The following ADAM17 variants were observed in gnomAD, a reference collection of about 807,000 sequenced individuals.
The protein encoded by ADAM17 is disintegrin and metalloproteinase domain-containing protein 17.
Under a neutral mutation model 96.7 loss-of-function variants are expected in ADAM17, and 39 were observed. That is an observed-to-expected ratio of 0.40 (90% CI 0.31 to 0.53). The LOEUF (loss-of-function observed/expected upper bound fraction) is 0.53, where lower values mean the gene tolerates loss of function less well. ADAM17 is among the 20% of genes least tolerant of loss of function. ADAM17 has a pLI of 0.44. For missense variants in ADAM17, 777 were observed against 1,013.2 expected, an observed-to-expected ratio of 0.77 and a Z score of 3.17; for synonymous variants, 344 against 359.2, an observed-to-expected ratio of 0.96 and a Z score of 0.48.
chr2:9,497,220 T>G lies in ADAM17; in HGVS notation c.1677A>C (p.Gly559=), dbSNP rs1337952599. The G allele has an allele frequency of 6.2e-7, 1 of 1,614,234 alleles. No homozygotes were observed. The highest frequency in any genetic ancestry group is 1.7e-5 in the Admixed American group (1 of 60,018). ...TGNSSECPPP[G]NAEDDTVCLD... is the part of the protein sequence containing the mutation. Reference sequence around the variant, plus strand: ...AGCAAACAGTGTCATCTTCAGCATTTCCTGGAGGCGGGCACTCACTGCTAT... The same window carrying G: ...AGCAAACAGTGTCATCTTCAGCATTGCCTGGAGGCGGGCACTCACTGCTAT... Residue 559 remains glycine, a synonymous_variant, in exon 14 of 19, where the codon GGA becomes GGC. Transcript: ENST00000310823.
In ADAM17 at chr2:9,489,110, T is replaced by C. The variant is rs1035559627; in HGVS notation, c.*1067A>G. 6.6e-6 allele frequency: 1 copy of C among 152,130 alleles called. No individual in the cohort carries two copies. The highest frequency in any genetic ancestry group is 1.5e-5 in the Non-Finnish European group (1 of 68,040). The allele number at this position is 152,130 out of a possible 1,614,324, so 9.4% of individuals were successfully genotyped here. Reference sequence around the variant, plus strand: ...AGCCCCCAACCCTAAGGGCAGGTAGTATTCTATCTCCTGGCTGGCTCATCA... The same window carrying C: ...AGCCCCCAACCCTAAGGGCAGGTAGCATTCTATCTCCTGGCTGGCTCATCA... On this transcript the variant is annotated 3_prime_UTR_variant, in exon 19 of 19. Transcript: ENST00000310823.
intron 7 of ADAM17, 135 bp downstream of exon 7, chr2:9,523,114 C>T: frequency 1.6e-6 from 1 of 626,216 alleles, no homozygotes; most frequent in Non-Finnish European, 2.7e-6. Context: ...CACAATTCAT[C>T]ATAAAAAATC....
At chr2:9,523,437 G>A in intron 6 of ADAM17, 99 bp from the exon 7 acceptor site, 3 of 1,070,986 alleles carry the variant, frequency 2.8e-6, no homozygotes, top group Non-Finnish European at 4.1e-6. Context: ...TCTCAGTTTA[G>A]AGGCCATTGC....
chr2:9,499,307 A>G (rs1662853567), intron 13 of ADAM17, among the ~76,000 whole-genome samples: 1 of 152,102 alleles, frequency 6.6e-6, no homozygotes, highest in Non-Finnish European at 1.5e-5. Flanking sequence ...ATTTTTCTCA[A>G]TCTATTTTAT....
At chr2:9,525,742 A>G (rs1239240497) in intron 6 of ADAM17, among the ~76,000 whole-genome samples, 1 of 152,158 alleles carries the variant, frequency 6.6e-6, no homozygotes, top group Admixed American at 6.5e-5. Context: ...TAAGCAAAAG[A>G]AAAACATGGG....
intron 1 of ADAM17, among the ~76,000 whole-genome samples, chr2:9,552,343 C>T (rs138809641): frequency 2.7e-4 from 41 of 152,292 alleles, no homozygotes; most frequent in African/African-American, 9.1e-4. Context: ...AATTCCTCTC[C>T]ATTCTACTCT....
chr2:9,535,683 C>T (rs1002245454), intron 4 of ADAM17, 151 bp downstream of exon 4: 1 of 464,830 alleles, frequency 2.2e-6, no homozygotes, highest in Non-Finnish European at 3.7e-6. Context: ...TAGAGATTAT[C>T]CTTTTTTAAA....
intron 2 of ADAM17, among the ~76,000 whole-genome samples, chr2:9,537,049 A>G (rs889997096): frequency 2.6e-5 from 4 of 152,202 alleles, no homozygotes; most frequent in Non-Finnish European, 4.4e-5. Context: ...ATAAACTCAC[A>G]CTAGGGTAAA....
chr2:9,499,103 CT>C (rs1219981357), intron 13 of ADAM17, among the ~76,000 whole-genome samples: 2 of 97,812 alleles, frequency 2.0e-5, no homozygotes, highest in Non-Finnish European at 4.1e-5. Flanking sequence ...TGCTTTTTTT[CT>C]TTCTTCTTCT....
At chr2:9,502,879 CA>C (rs758081961) in intron 12 of ADAM17, among the ~76,000 whole-genome samples, 5,809 of 43,424 alleles carry the variant, frequency 0.13, 84 homozygotes, top group African/African-American at 0.19. Context: ...AATTCTGTCT[CA>C]AAAAAAAAAA....
intron 3 of ADAM17, among the ~76,000 whole-genome samples, 157 bp from the exon 4 acceptor site, chr2:9,536,079 TA>T (rs1558521595): frequency 6.6e-6 from 1 of 152,188 alleles, no homozygotes; most frequent in Non-Finnish European, 1.5e-5. Context: ...AGAAGCTAGA[TA>T]ATCTCAACTC....
At chr2:9,501,299 T>C (rs1662989679) in intron 13 of ADAM17, among the ~76,000 whole-genome samples, 2 of 152,080 alleles carry the variant, frequency 1.3e-5, no homozygotes, top group Non-Finnish European at 2.9e-5. Flanking sequence ...ATCATGCTAA[T>C]AGGACAGCAG....
chr2:9,498,175 G>A (rs1358299728), intron 13 of ADAM17, among the ~76,000 whole-genome samples: 6 of 152,118 alleles, frequency 3.9e-5, no homozygotes, highest in Non-Finnish European at 2.9e-5. Flanking sequence ...GATTTCAGGC[G>A]TACGCCACCA....
At position 9,539,224 on chromosome 2, in the gene ADAM17, C is replaced by G. The variant is rs1169597451; in HGVS notation, c.231-2396G>C. ...CTGGGTTCACGCCATTCCCCTGCCTCAGCCTCCCAAATAGCTGGGACTACA... is the reference window on the plus strand; with the variant it reads ...CTGGGTTCACGCCATTCCCCTGCCTGAGCCTCCCAAATAGCTGGGACTACA... On this transcript the variant is annotated intron_variant, in intron 2 of 18. Coordinates refer to ENST00000310823, the MANE Select transcript of ADAM17 (RefSeq NM_003183.6). 2.6e-5 allele frequency among the ~76,000 whole-genome samples: 4 copies of G among 152,048 alleles called. No individual in the cohort carries two copies. In the East Asian group the frequency reaches 7.7e-4, roughly 29 times the overall value.
rs751073259 is a variant in ADAM17, at chr2:9,492,909, C to T, written c.2071G>A (p.Val691Ile). 2 of 1,611,598 alleles carry T rather than the reference C, an allele frequency of 1.2e-6. No homozygotes were observed. Among genetic ancestry groups the T allele is most frequent in the Admixed American group, 3.3e-5 (2 of 59,730 alleles). Reference protein sequence around the residue: ...LIFWIPFSILVHCVDKKLDKQ... With the variant: ...LIFWIPFSILIHCVDKKLDKQ... ...AGTTGATGACTTACCACACAATGGA[C>T]AAGAATGCTGAAAGGAATCCAAAAT... is the stretch of plus-strand genomic sequence containing the variant. The change falls in exon 17 of 19, where the codon GTC (valine) becomes ATC (isoleucine). Residue 691 changes from valine to isoleucine, a missense_variant. By Grantham distance (29) the Val-to-Ile change is conservative. This residue lies in a region of ADAM17 where 197 missense variants were observed against 219.4 expected (regional missense o/e 0.90). Transcript: ENST00000310823.
In ADAM17 at chr2:9,527,802, G is replaced by C; in HGVS notation, c.603C>G (p.Asp201Glu). 1 of 1,583,192 alleles carries C rather than the reference G, an allele frequency of 6.3e-7. No homozygotes were observed. The highest frequency in any genetic ancestry group is 8.6e-7 in the Non-Finnish European group (1 of 1,168,300). Residue 201 changes from aspartate to glutamate, a missense_variant, in exon 5 of 19, where the codon GAC becomes GAG. Asp to Glu is a conservative substitution (Grantham distance 45). Transcript: ENST00000310823. Reference sequence around the variant, plus strand: ...AAGTCTTACCTTCAGGTGGTTCTCTGTCTACTAACCCTTTTGGGAGCAACT... The same window carrying C: ...AAGTCTTACCTTCAGGTGGTTCTCTCTCTACTAACCCTTTTGGGAGCAACT... Reference protein sequence around the residue: ...NEELLPKGLVDREPPEELVHR... With the variant: ...NEELLPKGLVEREPPEELVHR...
rs148136165 is a variant in ADAM17 at position 9,504,703 on chromosome 2, A to C, written c.1544+463T>G. 1.9e-4 allele frequency among the ~76,000 whole-genome samples: 28 copies of C among 150,738 alleles called. No individual in the cohort carries two copies. The East Asian group carries it at 4.9e-3, about 27-fold the overall frequency. On this transcript the variant is annotated intron_variant, in intron 12 of 18. Transcript: ENST00000310823. Reference sequence around the variant, plus strand: ...CTTGAACCCGGGAGACAAAGATTGCAGTAAGCCAAGATCGCGCCACTGCAC... The same window carrying C: ...CTTGAACCCGGGAGACAAAGATTGCCGTAAGCCAAGATCGCGCCACTGCAC...
At position 9,518,131 on chromosome 2, in the gene ADAM17, T is replaced by C. The variant is rs765505576; in HGVS notation, c.1074A>G (p.Ala358=). The C allele has an allele frequency of 1.9e-6, 3 of 1,598,368 alleles. No homozygotes were observed. The South Asian group carries it at 3.5e-5, about 18-fold the overall frequency. ...LGLAYVGSPR[A]NSHGGVCPKA... ...TTGGACAAACACCTCCATGGCTGTTTGCTCTGGGAGAGCCAACATAAGCTA... is the reference window on the plus strand; with the variant it reads ...TTGGACAAACACCTCCATGGCTGTTCGCTCTGGGAGAGCCAACATAAGCTA... Residue 358 remains alanine (A), a synonymous_variant, in exon 9 of 19, where the codon GCA becomes GCG. Transcript: ENST00000310823.
Position 9,494,724 on chromosome 2 carries a change from G to C in ADAM17, c.1827C>G (p.Gly609=). Residue 609 remains glycine (G), a synonymous_variant, in exon 15 of 19, where the codon GGC becomes GGG. Transcript: ENST00000310823. Reference sequence around the variant, plus strand: ...CAGCATCGACATAGGGCACACAGCGGCCAGAAAGGTCCCTGCAGCACACCT... The same window carrying C: ...CAGCATCGACATAGGGCACACAGCGCCCAGAAAGGTCCCTGCAGCACACCT... ...SCKVCCRDLS[G]RCVPYVDAEQ... The C allele has an allele frequency of 8.1e-6, 13 of 1,614,064 alleles. No homozygotes were observed. Among genetic ancestry groups the C allele is most frequent in the Non-Finnish European group, 1.1e-5 (13 of 1,179,982 alleles).
Sources: allele counts gnomAD v4.1 joint callset (sites outside exome capture counted in the v4.1 genomes callset), GRCh38; gene constraint gnomAD v4.1.1; regional missense constraint gnomAD v4.1.1; transcripts MANE v1.5; gene names NCBI Gene and HGNC (gene_info 2026-07-23, HGNC 2026-07-21).